Variants in SYK observed in about 807,000 individuals in gnomAD.
SYK encodes the protein tyrosine-protein kinase SYK.
A neutral mutation model predicts 77.8 loss-of-function variants in SYK; 16 were observed. The observed-to-expected ratio is 0.21, with a 90% CI of 0.14 to 0.31. The LOEUF is 0.31. Ranked by LOEUF, SYK falls within the 10% of genes least tolerant of loss-of-function variation. SYK has a pLI of 1.00. For synonymous variants in SYK, 312 were observed against 308.7 expected (o/e 1.01, Z -0.11); for missense variants, 529 against 814.4 (o/e 0.65, Z 4.26).
chr9:90,864,706 A>G (rs1827409822), intron 5 of SYK, 39 bp downstream of exon 5: 1 of 1,554,848 alleles, frequency 6.4e-7, no homozygotes, highest in Non-Finnish European at 8.9e-7. Context: ...TGTTTGAGGT[A>G]TCAGTGACAA....
chr9:90,831,673 A>C (rs1342394038), intron 1 of SYK, among the ~76,000 whole-genome samples: 2 of 152,162 alleles, frequency 1.3e-5, no homozygotes, highest in Non-Finnish European at 2.9e-5. Flanking sequence ...ATCAATACTC[A>C]CAGCACTTTT....
intron 1 of SYK, among the ~76,000 whole-genome samples, chr9:90,841,222 G>C (rs1049199721): frequency 6.6e-6 from 1 of 151,686 alleles, no homozygotes; most frequent in African/African-American, 2.4e-5. Context: ...TGTGTTGTGT[G>C]TCGTGTGTAT....
intron 1 of SYK, among the ~76,000 whole-genome samples, chr9:90,817,057 G>GT (rs1449674570): frequency 6.6e-6 from 1 of 152,064 alleles, no homozygotes; most frequent in Admixed American, 6.5e-5. Flanking sequence ...AACATTATGA[G>GT]TTTTTTGTTT....
chr9:90,851,727 C>T (rs913461032), intron 3 of SYK, among the ~76,000 whole-genome samples: 5 of 152,134 alleles, frequency 3.3e-5, no homozygotes, highest in African/African-American at 1.2e-4. Context: ...AAGCTAGTCA[C>T]AGCTGTCTGT....
intron 6 of SYK, among the ~76,000 whole-genome samples, chr9:90,865,424 C>T (rs1027525717): frequency 1.3e-5 from 2 of 152,070 alleles, no homozygotes; most frequent in Non-Finnish European, 2.9e-5. Flanking sequence ...TCTCATGCCT[C>T]AGCCTCCCGA....
chr9:90,875,736 AT>A (rs1235853201), intron 9 of SYK, among the ~76,000 whole-genome samples: 2 of 152,206 alleles, frequency 1.3e-5, no homozygotes, highest in Non-Finnish European at 2.9e-5. Flanking sequence ...AAATTGCTAA[AT>A]TTCGAAAATA....
chr9:90,852,603 T>A (rs1250116251), intron 3 of SYK, among the ~76,000 whole-genome samples: 2 of 152,232 alleles, frequency 1.3e-5, no homozygotes, highest in African/African-American at 4.8e-5. Context: ...AATTTCAAGG[T>A]GACCTTTAAG....
intron 2 of SYK, among the ~76,000 whole-genome samples, chr9:90,845,041 T>C (rs1044680045): frequency 2.0e-5 from 3 of 152,198 alleles, no homozygotes; most frequent in Admixed American, 1.3e-4. Flanking sequence ...GTTCAAGCGA[T>C]TCTACTGCCT....
Position 90,844,049 on chromosome 9 carries a change from T to C in SYK, c.151T>C (p.Phe51Leu). 1 of 1,612,858 alleles carries C rather than the reference T, an allele frequency of 6.2e-7. No homozygotes were observed. The highest frequency in any genetic ancestry group is 1.1e-5 in the South Asian group (1 of 90,824). ...CCAGAGCCGCAACTACCTGGGTGGC[T>C]TCGCCCTGTCCGTGGCCCACGGGAG... ...LRQSRNYLGG[F>L]ALSVAHGRKA... Residue 51 changes from phenylalanine (F) to leucine (L), a missense_variant, in exon 2 of 14, where the codon TTC (phenylalanine) becomes CTC (leucine). By Grantham distance (22) the Phe-to-Leu change is conservative (BLOSUM62 0). This residue lies in a region of SYK where 321 missense variants were observed against 433.1 expected (regional missense o/e 0.74). Coordinates refer to ENST00000375754, the MANE Select transcript of SYK (RefSeq NM_003177.7).
intron 1 of SYK, among the ~76,000 whole-genome samples, chr9:90,806,509 A>G (rs1824841412): frequency 6.6e-6 from 1 of 151,990 alleles, no homozygotes; most frequent in African/African-American, 2.4e-5. Context: ...TGCTGGGATT[A>G]TAGGCATGAT....
intron 1 of SYK, among the ~76,000 whole-genome samples, chr9:90,811,955 A>AAG (rs1564067519): frequency 6.8e-6 from 1 of 146,722 alleles, no homozygotes; most frequent in Non-Finnish European, 1.5e-5. Context: ...AAAAAAAAAA[A>AAG]CCTAAAAATC....
intron 1 of SYK, among the ~76,000 whole-genome samples, chr9:90,811,118 CAT>C (rs947719928): frequency 1.3e-5 from 2 of 152,004 alleles, no homozygotes. Flanking sequence ...TGTGATAAAA[CAT>C]ATGAATTTAT....
At chr9:90,803,991 C>A (rs1288161888) in intron 1 of SYK, among the ~76,000 whole-genome samples, 3 of 150,794 alleles carry the variant, frequency 2.0e-5, no homozygotes, top group Non-Finnish European at 4.4e-5. Context: ...GGTGTTATCA[C>A]TACGAGAGCT....
intron 11 of SYK, 31 bp from the exon 12 acceptor site, chr9:90,887,718 A>G: frequency 6.3e-7 from 1 of 1,577,594 alleles, no homozygotes; most frequent in Non-Finnish European, 8.6e-7. Context: ...TTTTATTCTT[A>G]ATGGAATTTC....
In SYK at chr9:90,897,434, A is replaced by G. The variant is rs201899168; in HGVS notation, c.*1834A>G. ...TGTCAGCCAGGCCACAAACAGGTGT[A>G]AAATTATGAAAGGAGTGGTTGGATG... On this transcript the variant is annotated 3_prime_UTR_variant, in exon 14 of 14. Transcript: ENST00000375754. The G allele has an allele frequency of 8.6e-6, 2 of 232,174 alleles. No homozygotes were observed. Among genetic ancestry groups the G allele is most frequent in the Non-Finnish European group, 1.7e-5 (2 of 117,444 alleles). The allele number at this position is 232,174 out of a possible 1,614,324, so 14.4% of individuals were successfully genotyped here.
Position 90,875,471 on chromosome 9 carries a change from G to A in SYK, c.1181+622G>A, listed in dbSNP as rs113499549. 5.9e-4 allele frequency among the ~76,000 whole-genome samples: 89 copies of A among 152,040 alleles called. 1 individual carries two copies. The highest frequency in any genetic ancestry group is 2.1e-3 in the African/African-American group (87 of 41,508). On this transcript the variant is annotated intron_variant, in intron 9 of 13. Transcript: ENST00000375754. ...ATAATACCATCCCAACACTACTACT[G>A]TTAACTAAACATTACTACTGTTAAC...
Position 90,878,889 on chromosome 9 carries a change from A to T in SYK, c.1517A>T (p.His506Leu). The change falls in exon 11 of 14, where the codon CAT becomes CTT. Residue 506 changes from histidine (H) to leucine (L), a missense_variant. This residue lies in a region of SYK where 208 missense variants were observed against 381.3 expected (regional missense o/e 0.55). Transcript: ENST00000375754. ...AGAAATGTGTTGCTAGTTACCCAAC[A>T]TTACGCCAAGATCAGTGATTTCGGA... The part of the protein sequence containing the change: ...AARNVLLVTQ[H>L]YAKISDFGLS... 6.2e-7 allele frequency: 1 copy of T among 1,614,242 alleles called. No homozygotes were observed. Among genetic ancestry groups the T allele is most frequent in the Non-Finnish European group, 8.5e-7 (1 of 1,180,018 alleles).
intron 2 of SYK, among the ~76,000 whole-genome samples, chr9:90,845,039 G>A (rs966108340): frequency 1.3e-4 from 20 of 152,204 alleles, no homozygotes; most frequent in Middle Eastern, 3.4e-3. Flanking sequence ...AGGTTCAAGC[G>A]ATTCTACTGC....
chr9:90,878,786 A>G lies in SYK; in HGVS notation c.1414A>G (p.Ile472Val), dbSNP rs776712281. The G allele has an allele frequency of 5.0e-6, 8 of 1,613,616 alleles. No homozygotes were observed. Among genetic ancestry groups the G allele is most frequent in the Non-Finnish European group, 6.8e-6 (8 of 1,179,504 alleles). ...CAGACATGTCAAGGATAAGAACATC[A>G]TAGAACTGGTTCATCAGGTTTCCAT... is the stretch of plus-strand genomic sequence containing the variant. ...QNRHVKDKNI[I>V]ELVHQVSMGM... The change falls in exon 11 of 14, where the codon ATA becomes GTA. Residue 472 changes from isoleucine to valine, a missense_variant. Transcript: ENST00000375754.
Sources: gnomAD v4.1 joint callset for allele counts (sites outside exome capture counted in the v4.1 genomes callset) on GRCh38, gnomAD v4.1.1 for gene constraint, gnomAD v4.1.1 regional missense constraint, MANE v1.5 for transcripts, NCBI Gene and HGNC (gene_info 2026-07-23, HGNC 2026-07-21) for gene names.